Variants in MAP3K9 observed in about 807,000 individuals in gnomAD.
MAP3K9 encodes the protein mixed lineage kinase 1 (tyr and ser/thr specificity).
MAP3K9 carries 46 observed loss-of-function variants against 95.8 expected under a neutral mutation model. The observed-to-expected ratio is 0.48, with a 90% CI of 0.38 to 0.61. The LOEUF (loss-of-function observed/expected upper bound fraction) is 0.61. Among genes scored for constraint, MAP3K9 ranks in the 20% least tolerant of loss-of-function variants. The pLI, the probability that MAP3K9 is intolerant of heterozygous loss-of-function variation, is 0.00. For missense variants in MAP3K9, 1,296 were observed against 1,474.3 expected (o/e 0.88, Z 1.98); for synonymous variants, 533 against 593.8 (o/e 0.90, Z 1.49).
rs2054438290 is a variant in MAP3K9, at chr14:70,765,523, A to G, written c.821-4341T>C. The G allele has an allele frequency of 9.0e-6, 6 of 667,846 alleles. No individual in the cohort carries two copies. In the South Asian group the frequency reaches 1.0e-4, roughly 11 times the overall value. The allele number at this position is 667,846 out of a possible 1,614,324, so 41.4% of individuals were successfully genotyped here. On this transcript the variant is annotated intron_variant, in intron 2 of 11. Transcript: ENST00000554752. Reference sequence around the variant, plus strand: ...GTACCATTTTTTATTTTTATATCATATTTTTACTGTACCTTTTCTACGTAT... The same window carrying G: ...GTACCATTTTTTATTTTTATATCATGTTTTTACTGTACCTTTTCTACGTAT...
At chr14:70,753,634 C>T (rs138947223) in intron 3 of MAP3K9, among the ~76,000 whole-genome samples, 1 of 152,286 alleles carries the variant, frequency 6.6e-6, no homozygotes, top group East Asian at 1.9e-4. Context: ...CCTGGAAGAA[C>T]TCGTTCAGCT....
chr14:70,805,835 G>A (rs187938838), intron 1 of MAP3K9, among the ~76,000 whole-genome samples: 16 of 152,290 alleles, frequency 1.1e-4, no homozygotes, highest in Admixed American at 1.0e-3. Flanking sequence ...GCTGGGGTGG[G>A]AGGATCTCTT....
At chr14:70,755,831 T>G (rs1025853764) in intron 3 of MAP3K9, among the ~76,000 whole-genome samples, 11 of 152,204 alleles carry the variant, frequency 7.2e-5, no homozygotes, top group African/African-American at 2.2e-4. Context: ...TCAACCAAAC[T>G]GGGTCAGGAG....
rs201699297 is a variant in MAP3K9 at position 70,748,871 on chromosome 14, G to C, written c.1284C>G (p.His428Gln). 1.9e-6 allele frequency: 3 copies of C among 1,613,756 alleles called. No individual in the cohort carries two copies. Among genetic ancestry groups the C allele is most frequent in the Middle Eastern group, 1.7e-4 (1 of 6,058 alleles). The change falls in exon 5 of 12, where the codon CAC becomes CAG. Residue 428 changes from histidine to glutamine, a missense_variant. Physicochemically the swap from His to Gln is conservative, Grantham distance 24. This residue lies in a region of MAP3K9 where 136 missense variants were observed against 221.5 expected (regional missense o/e 0.61). Transcript: ENST00000554752. ...SFHCLQDNWK[H>Q]EIQEMFDQLR... ...GTTGGTCAAACATCTCCTGAATCTC[G>C]TGTTTCCAGTTGTCCTGCAGGCAGT...
At chr14:70,801,308 A>G (rs1276021195) in intron 1 of MAP3K9, among the ~76,000 whole-genome samples, 1 of 152,172 alleles carries the variant, frequency 6.6e-6, no homozygotes, top group South Asian at 2.1e-4. Flanking sequence ...ATAAACATTC[A>G]TGAAAAAAAA....
At position 70,749,924 on chromosome 14, in the gene MAP3K9, C is replaced by T. The variant is rs555598252; in HGVS notation, c.1150+9G>A. The T allele has an allele frequency of 1.9e-6, 3 of 1,614,136 alleles. 1 individual carries two copies. The highest frequency in any genetic ancestry group is 2.2e-5 in the South Asian group (2 of 91,076). On this transcript the variant is annotated intron_variant, in intron 4 of 11. Coordinates refer to ENST00000554752, the MANE Select transcript of MAP3K9 (RefSeq NM_001284230.2). ...GTCTCCAGTTTGGTTCAGGCCAGGG[C>T]TTACTTACCTTCCATGAGTTTGGCA...
At chr14:70,733,456 A>G (rs2053941880) in intron 10 of MAP3K9, 114 bp from the exon 11 acceptor site, 1 of 611,124 alleles carries the variant, frequency 1.6e-6, no homozygotes, top group Admixed American at 3.0e-5. Flanking sequence ...CAGGGACACA[A>G]AGGTTCAATG....
intron 2 of MAP3K9, among the ~76,000 whole-genome samples, chr14:70,790,218 C>A (rs1009816876): frequency 1.3e-5 from 2 of 152,198 alleles, no homozygotes; most frequent in Non-Finnish European, 2.9e-5. Context: ...CAACTGTTTT[C>A]TCCACTAAAC....
In MAP3K9 at chr14:70,772,197, G is replaced by A. The variant is rs138571237; in HGVS notation, c.821-11015C>T. Among the ~76,000 whole-genome samples, 111 of 152,340 alleles carry A rather than the reference G, an allele frequency of 7.3e-4. No individual in the cohort carries two copies. In the East Asian group the frequency reaches 0.016, roughly 22 times the overall value. ...CGCATTGTCAGCAGAGCTGCACCGG[G>A]TTCCACTGGCACAACCAGCAAAGCT... On this transcript the variant is annotated intron_variant, in intron 2 of 11. Coordinates refer to ENST00000554752, the MANE Select transcript of MAP3K9 (RefSeq NM_001284230.2).
At position 70,788,832 on chromosome 14, in the gene MAP3K9, G is replaced by A. The variant is rs765069541; in HGVS notation, c.820+11835C>T. Among the ~76,000 whole-genome samples, 9 of 152,238 alleles carry A rather than the reference G, an allele frequency of 5.9e-5. No individual in the cohort carries two copies. The South Asian group carries it at 1.0e-3, about 18-fold the overall frequency. ...GATGAAAAAGGGCCAGACATGCTCC[G>A]TTTACCTTCCAAAACAAGACCACAA... On this transcript the variant is annotated intron_variant, in intron 2 of 11. Coordinates refer to ENST00000554752, the MANE Select transcript of MAP3K9 (RefSeq NM_001284230.2).
chr14:70,738,675 C>G (rs2054020671), intron 7 of MAP3K9, among the ~76,000 whole-genome samples: 1 of 152,144 alleles, frequency 6.6e-6, no homozygotes, highest in South Asian at 2.1e-4. Context: ...CATCAGAGTT[C>G]CAAACAGATC....
chr14:70,769,173 G>C (rs563461720), intron 2 of MAP3K9, among the ~76,000 whole-genome samples: 1 of 152,136 alleles, frequency 6.6e-6, no homozygotes, highest in Non-Finnish European at 1.5e-5. Context: ...GTTTGTGCCT[G>C]TGAACAGCCA....
intron 2 of MAP3K9, among the ~76,000 whole-genome samples, chr14:70,793,109 A>G (rs1425249879): frequency 6.6e-6 from 1 of 152,340 alleles, no homozygotes; most frequent in South Asian, 2.1e-4. Context: ...CAAAGGGAGT[A>G]CTGAGGTTGG....
In MAP3K9 at chr14:70,727,643, TGA is replaced by T. The variant is rs1245085620; in HGVS notation, c.*2735_*2736del. The T allele has an allele frequency of 1.3e-5, 2 of 152,312 alleles. No individual in the cohort carries two copies. Among genetic ancestry groups the T allele is most frequent in the Non-Finnish European group, 2.9e-5 (2 of 68,138 alleles). The allele number at this position is 152,312 out of a possible 1,614,324, so 9.4% of individuals were successfully genotyped here. A position where few individuals can be genotyped will look rare whatever the true frequency, so the allele number is the denominator to read the frequency against. The stretch of plus-strand genomic sequence containing the variant: ...TAGCCCATCTCCAACCTTGCCCCAC[TGA>T]GAGAGTGCAGCAGTCAGGGGCCCAT... On this transcript the variant is annotated 3_prime_UTR_variant, in exon 12 of 12. Coordinates refer to ENST00000554752, the MANE Select transcript of MAP3K9 (RefSeq NM_001284230.2).
chr14:70,748,337 C>G (rs2139749838), intron 5 of MAP3K9, among the ~76,000 whole-genome samples: 1 of 152,264 alleles, frequency 6.6e-6, no homozygotes, highest in East Asian at 1.9e-4. Context: ...GGCTAGGAGT[C>G]TCTGAACTCC....
chr14:70,782,342 C>T (rs898541863), intron 2 of MAP3K9, among the ~76,000 whole-genome samples: 6 of 152,150 alleles, frequency 3.9e-5, no homozygotes, highest in East Asian at 3.8e-4. Context: ...TTACCCACAT[C>T]GGTTGAGAAT....
At chr14:70,738,483 C>A in intron 7 of MAP3K9, 85 bp from the exon 8 acceptor site, 1 of 1,212,990 alleles carries the variant, frequency 8.2e-7, no homozygotes, top group East Asian at 2.4e-5. Flanking sequence ...CACACACACA[C>A]ACACATTTGG....
intron 5 of MAP3K9, among the ~76,000 whole-genome samples, chr14:70,747,479 A>C (rs147245521): frequency 4.7e-4 from 72 of 152,300 alleles, no homozygotes; most frequent in Non-Finnish European, 6.3e-4. Flanking sequence ...TTCCTTTATA[A>C]ATTAACCAGT....
At chr14:70,760,751 C>T (rs1213737414) in intron 3 of MAP3K9, among the ~76,000 whole-genome samples, 1 of 152,084 alleles carries the variant, frequency 6.6e-6, no homozygotes, top group Non-Finnish European at 1.5e-5. Flanking sequence ...AATCTACTGG[C>T]CTTTCCTAGG....
Sources: allele counts gnomAD v4.1 joint callset (sites outside exome capture counted in the v4.1 genomes callset), GRCh38; gene constraint gnomAD v4.1.1; regional missense constraint gnomAD v4.1.1; transcripts MANE v1.5; gene names NCBI Gene and HGNC (gene_info 2026-07-23, HGNC 2026-07-21).